COL14A1: variants seen among roughly 807,000 people sequenced by gnomAD.
COL14A1 encodes the protein collagen alpha-1(XIV) chain.
Under a neutral mutation model 230.3 loss-of-function variants are expected in COL14A1, and 136 were observed. The observed-to-expected ratio is 0.59, with a 90% CI of 0.51 to 0.68. The LOEUF is 0.68. COL14A1 is among the 30% of genes least tolerant of loss of function. The pLI, the probability that COL14A1 is intolerant of heterozygous loss-of-function variation, is 0.00. For synonymous variants in COL14A1, 792 were observed against 784.1 expected (o/e 1.01, Z -0.17); for missense variants, 1,976 against 2,215.8 (o/e 0.89, Z 2.17).
chr8:120,236,553 G>A (rs1426530505), intron 19 of COL14A1, among the ~76,000 whole-genome samples: 1 of 151,996 alleles, frequency 6.6e-6, no homozygotes, highest in African/African-American at 2.4e-5. Flanking sequence ...GCACACCAGT[G>A]GGTCTTGACT....
intron 12 of COL14A1, among the ~76,000 whole-genome samples, chr8:120,211,705 C>G (rs1817619722): frequency 6.6e-6 from 1 of 152,072 alleles, no homozygotes; most frequent in Non-Finnish European, 1.5e-5. Flanking sequence ...TGAGATAGTT[C>G]AAAATTCAAA....
chr8:120,201,318 C>T (rs1178468084), intron 8 of COL14A1, among the ~76,000 whole-genome samples: 3 of 152,028 alleles, frequency 2.0e-5, no homozygotes, highest in Non-Finnish European at 2.9e-5. Context: ...GCTGTTATAG[C>T]TCAGTGTTGT....
chr8:120,250,029 A>T (rs887535808), intron 21 of COL14A1, among the ~76,000 whole-genome samples: 2 of 152,234 alleles, frequency 1.3e-5, no homozygotes, highest in Admixed American at 6.5e-5. Flanking sequence ...TGCTTCATTA[A>T]AGACCCCACT....
chr8:120,146,225 A>T (rs1815085424), intron 1 of COL14A1, among the ~76,000 whole-genome samples: 1 of 152,260 alleles, frequency 6.6e-6, no homozygotes, highest in Non-Finnish European at 1.5e-5. Flanking sequence ...AGGGCTCAAT[A>T]CATTTTATGG....
intron 26 of COL14A1, chr8:120,277,865 G>A (rs1487679638): frequency 4.5e-6 from 1 of 223,158 alleles, no homozygotes; most frequent in African/African-American, 2.3e-5. Flanking sequence ...GTGACATGCC[G>A]TTTACCCATG....
chr8:120,230,430 A>T (rs1467485268), intron 18 of COL14A1, among the ~76,000 whole-genome samples: 1 of 152,010 alleles, frequency 6.6e-6, no homozygotes, highest in African/African-American at 2.4e-5. Flanking sequence ...TTCATTCTTC[A>T]TTTAATCCTT....
chr8:120,264,163 A>C (rs536172311), intron 24 of COL14A1, among the ~76,000 whole-genome samples: 1 of 152,098 alleles, frequency 6.6e-6, no homozygotes, highest in South Asian at 2.1e-4. Flanking sequence ...ACTTTCTTTT[A>C]TTATACATTT....
intron 45 of COL14A1, among the ~76,000 whole-genome samples, chr8:120,361,475 T>C (rs996210842): frequency 6.6e-6 from 1 of 152,208 alleles, no homozygotes; most frequent in South Asian, 2.1e-4. Flanking sequence ...ACAGTACTTA[T>C]TGAATTAACT....
chr8:120,258,403 A>G (rs1819223570), intron 23 of COL14A1, among the ~76,000 whole-genome samples: 1 of 152,180 alleles, frequency 6.6e-6, no homozygotes, highest in African/African-American at 2.4e-5. Context: ...ACATGCCTCT[A>G]AATCTGTCAT....
At chr8:120,231,340 T>C (rs1346158401) in intron 18 of COL14A1, 127 bp from the exon 19 acceptor site, 23 of 985,214 alleles carry the variant, frequency 2.3e-5, no homozygotes, top group Non-Finnish European at 3.3e-5. Context: ...CCTTCTTGCC[T>C]CATATACAAC....
At chr8:120,287,154 C>T (rs1345871405) in intron 33 of COL14A1, among the ~76,000 whole-genome samples, 1 of 151,790 alleles carries the variant, frequency 6.6e-6, no homozygotes, top group Non-Finnish European at 1.5e-5. Flanking sequence ...TGCAACTTTG[C>T]TACTTTCTGT....
intron 1 of COL14A1, among the ~76,000 whole-genome samples, chr8:120,133,277 G>A (rs1814603547): frequency 6.8e-6 from 1 of 146,778 alleles, no homozygotes; most frequent in South Asian, 2.2e-4. Context: ...AGAGAAAGAA[G>A]AAAAAATTCT....
At chr8:120,275,838 C>T (rs896816421) in intron 26 of COL14A1, among the ~76,000 whole-genome samples, 4 of 151,580 alleles carry the variant, frequency 2.6e-5, no homozygotes, top group South Asian at 2.1e-4. Context: ...CAATAGATGT[C>T]GGTGTGGATG....
intron 1 of COL14A1, among the ~76,000 whole-genome samples, chr8:120,147,420 G>C (rs577146983): frequency 6.6e-6 from 1 of 152,178 alleles, no homozygotes; most frequent in East Asian, 1.9e-4. Context: ...AACAGTAGGA[G>C]TTTATGTGAA....
chr8:120,149,974 G>A (rs1450648412), intron 2 of COL14A1, among the ~76,000 whole-genome samples: 1 of 152,188 alleles, frequency 6.6e-6, no homozygotes, highest in Admixed American at 6.5e-5. Flanking sequence ...GATTACAGGT[G>A]TGAACCATCG....
chr8:120,329,581 T>C (rs1388228456), intron 40 of COL14A1, among the ~76,000 whole-genome samples: 1 of 152,170 alleles, frequency 6.6e-6, no homozygotes, highest in Non-Finnish European at 1.5e-5. Context: ...CACTCCAGCC[T>C]GGGTGACAGA....
At chr8:120,220,250 A>G (rs1817885712) in intron 14 of COL14A1, among the ~76,000 whole-genome samples, 1 of 151,386 alleles carries the variant, frequency 6.6e-6, no homozygotes. Context: ...CCCAATTAAA[A>G]TCTGCTTAGT....
intron 18 of COL14A1, among the ~76,000 whole-genome samples, chr8:120,229,770 C>T (rs915246759): frequency 6.6e-6 from 1 of 152,188 alleles, no homozygotes; most frequent in African/African-American, 2.4e-5. Flanking sequence ...CTCTCCAGCA[C>T]CTGTTGTTTC....
At chr8:120,166,556 T>C (rs1365322485) in intron 4 of COL14A1, among the ~76,000 whole-genome samples, 1 of 152,224 alleles carries the variant, frequency 6.6e-6, no homozygotes, top group Non-Finnish European at 1.5e-5. Flanking sequence ...ACCTCCAGCA[T>C]CACTCAGCAC....
Sources: gnomAD v4.1 joint callset for allele counts (sites outside exome capture counted in the v4.1 genomes callset) on GRCh38, gnomAD v4.1.1 for gene constraint, MANE v1.5 for transcripts, NCBI Gene and HGNC (gene_info 2026-07-23, HGNC 2026-07-21) for gene names.